The following LAMP3 variants were observed in gnomAD, a reference collection of about 807,000 sequenced individuals.
LAMP3 encodes the protein lysosome associated membrane protein 3, also known as lysosome-associated membrane glycoprotein 3.
Under a neutral mutation model 34.8 loss-of-function variants are expected in LAMP3, and 26 were observed. The ratio of observed to expected loss-of-function variants is 0.75; its 90% CI spans 0.55 to 1.04. LAMP3 has a LOEUF of 1.04. LAMP3 is among the 50% of genes least tolerant of loss of function. LAMP3 has a pLI of 0.00. For synonymous variants in LAMP3, 180 were observed against 201.9 expected (o/e 0.89, Z 0.92); for missense variants, 495 against 524.0 (o/e 0.94, Z 0.54).
chr3:183,151,695 T>C (rs554438165), intron 3 of LAMP3, among the ~76,000 whole-genome samples: 1 of 152,166 alleles, frequency 6.6e-6, no homozygotes, highest in South Asian at 2.1e-4. Context: ...CCCAAAGTGC[T>C]GGGATTACAG....
intron 1 of LAMP3, chr3:183,160,743 C>A (rs1308651530): frequency 6.6e-6 from 1 of 152,224 alleles, no homozygotes; most frequent in Non-Finnish European, 1.5e-5. Flanking sequence ...GGCACAGACT[C>A]TGGTTCAAAG....
At chr3:183,139,473 C>T (rs74285558) in intron 4 of LAMP3, among the ~76,000 whole-genome samples, 5,341 of 152,162 alleles carry the variant, frequency 0.035, 152 homozygotes, top group Admixed American at 0.088. Context: ...CCAAGACCCC[C>T]AGTGTACCAG....
chr3:183,140,556 A>G lies in LAMP3; in HGVS notation c.928T>C (p.Leu310=). 4 of 1,605,198 alleles carry G rather than the reference A, an allele frequency of 2.5e-6. No homozygotes were observed. In the South Asian group the frequency reaches 3.3e-5, roughly 13 times the overall value. ...SYYISEVGAY[L]TVSDPETIYQ... is the part of the protein sequence containing the mutation. ...TACTAACCTGGATCTGAGACGGTCA[A>G]ATAGGCTCCCACTTCACTGATATAA... is the stretch of plus-strand genomic sequence containing the variant. Residue 310 remains leucine (L), a synonymous_variant, in exon 4 of 6, where the codon TTG becomes CTG. Coordinates refer to ENST00000265598, the MANE Select transcript of LAMP3 (RefSeq NM_014398.4).
rs535741096 is a variant in LAMP3 at position 183,122,219 on chromosome 3, A to G, written c.*1862T>C. The G allele has an allele frequency of 1.1e-4, 17 of 152,348 alleles. No individual in the cohort carries two copies. Among genetic ancestry groups the G allele is most frequent in the Admixed American group, 9.8e-4 (15 of 15,300 alleles). 9.4% of individuals were successfully genotyped at this position (152,348 alleles called of 1,614,324 possible). On this transcript the variant is annotated 3_prime_UTR_variant, in exon 6 of 6. Transcript: ENST00000265598. ...AATAAATGACATGCACAAATCTCCA[A>G]AGTAAGTTTTTATTACAAAAACCTT...
intron 4 of LAMP3, among the ~76,000 whole-genome samples, chr3:183,136,729 C>T (rs1292247139): frequency 6.6e-5 from 10 of 151,306 alleles, no homozygotes; most frequent in Admixed American, 6.6e-4. Flanking sequence ...GGGAGAAGCC[C>T]ATCTCTTCCC....
At chr3:183,135,983 C>T (rs1720075444) in intron 4 of LAMP3, 96 bp from the exon 5 acceptor site, 4 of 966,306 alleles carry the variant, frequency 4.1e-6, no homozygotes, top group Non-Finnish European at 6.5e-6. Context: ...AATGGCCTTC[C>T]TTCCTTCCGA....
chr3:183,136,349 C>T (rs1720088386), intron 4 of LAMP3, among the ~76,000 whole-genome samples: 1 of 152,134 alleles, frequency 6.6e-6, no homozygotes, highest in African/African-American at 2.4e-5. Context: ...ATTAGATGAG[C>T]AGGGTCAAGA....
chr3:183,127,140 C>T (rs1270426276), intron 5 of LAMP3, among the ~76,000 whole-genome samples: 2 of 152,028 alleles, frequency 1.3e-5, no homozygotes, highest in African/African-American at 2.4e-5. Context: ...TCAACTCCCC[C>T]AATTTTTTTT....
At chr3:183,140,683 T>C (rs1720256773) in intron 3 of LAMP3, 88 bp from the exon 4 acceptor site, 1 of 868,252 alleles carries the variant, frequency 1.2e-6, no homozygotes, top group Non-Finnish European at 1.9e-6. Context: ...AGATTCCAGC[T>C]ATTAAATCTG....
At chr3:183,150,269 A>G (rs1720589937) in intron 3 of LAMP3, among the ~76,000 whole-genome samples, 1 of 152,160 alleles carries the variant, frequency 6.6e-6, no homozygotes, top group Non-Finnish European at 1.5e-5. Context: ...ACTTGGGTGG[A>G]GTTTGGTCAG....
At position 183,123,715 on chromosome 3, in the gene LAMP3, C is replaced by A; in HGVS notation, c.*366G>T. ...GTTAAGATCAAGGGTAAAATAAAAT[C>A]TTCAATGCACACACAGTAGTATTAG... On this transcript the variant is annotated 3_prime_UTR_variant, in exon 6 of 6. Transcript: ENST00000265598. 5.2e-6 allele frequency: 1 copy of A among 192,676 alleles called. No individual in the cohort carries two copies. The highest frequency in any genetic ancestry group is 9.2e-5 in the South Asian group (1 of 10,872). The allele number at this position is 192,676 out of a possible 1,614,324, so 11.9% of individuals were successfully genotyped here. A position where few individuals can be genotyped will look rare whatever the true frequency, so the allele number is the denominator to read the frequency against.
intron 5 of LAMP3, among the ~76,000 whole-genome samples, chr3:183,131,347 C>T (rs1719913743): frequency 1.3e-5 from 2 of 152,192 alleles, no homozygotes; most frequent in Non-Finnish European, 2.9e-5. Context: ...ACACCTTGTC[C>T]TCTGCCCTAC....
Position 183,152,471 on chromosome 3 carries a change from G to T in LAMP3, c.792C>A (p.Asp264Glu). The change falls in exon 3 of 6, where the codon GAC (aspartate) becomes GAA (glutamate). Residue 264 changes from aspartate (D) to glutamate (E), a missense_variant. Asp to Glu is a conservative substitution (Grantham distance 45, BLOSUM62 2). Transcript: ENST00000265598. ...VFSPRRYFNI[D>E]PNATQASGNC... ...TCCCAGAGGCTTGCGTTGCGTTGGGGTCGATGTTGAAGTATCTCCGAGGTG... is the reference window on the plus strand; with the variant it reads ...TCCCAGAGGCTTGCGTTGCGTTGGGTTCGATGTTGAAGTATCTCCGAGGTG... 1 of 1,612,714 alleles carries T rather than the reference G, an allele frequency of 6.2e-7. No individual in the cohort carries two copies. Among genetic ancestry groups the T allele is most frequent in the Admixed American group, 1.7e-5 (1 of 59,806 alleles).
chr3:183,154,183 AGTT>A lies in LAMP3; in HGVS notation c.255_257del (p.Thr87del), dbSNP rs757456557. On this transcript the variant is annotated inframe_deletion, in exon 2 of 6. Transcript: ENST00000265598. ...CAGTGTTTTTTGTAGTCGCTGGGGT[AGTT>A]GTTGGAATTTTTACTGTGGCCGCTG... 3.1e-6 allele frequency: 5 copies of A among 1,613,988 alleles called. No individual in the cohort carries two copies. Among genetic ancestry groups the A allele is most frequent in the South Asian group, 1.1e-5 (1 of 91,078 alleles).
At chr3:183,134,393 T>C (rs2108597850) in intron 5 of LAMP3, among the ~76,000 whole-genome samples, 1 of 152,276 alleles carries the variant, frequency 6.6e-6, no homozygotes, top group East Asian at 1.9e-4. Flanking sequence ...TGCTGAAACG[T>C]TTTATTTCCT....
intron 1 of LAMP3, 33 bp from the exon 2 acceptor site, chr3:183,154,424 C>CTTT: frequency 2.0e-6 from 3 of 1,501,694 alleles, no homozygotes; most frequent in Non-Finnish European, 2.7e-6. Context: ...GTTAAAAACA[C>CTTT]TAACCGATTG....
upstream of LAMP3, among the ~76,000 whole-genome samples, chr3:183,163,147 G>A (rs928049709): frequency 1.3e-5 from 2 of 151,822 alleles, no homozygotes; most frequent in South Asian, 2.1e-4. Context: ...TAGTAGAGAC[G>A]GGGTGTCACC....
Position 183,123,534 on chromosome 3 carries a change from G to C in LAMP3, c.*547C>G, listed in dbSNP as rs993631000. 1.3e-5 allele frequency: 2 copies of C among 153,720 alleles called. No homozygotes were observed. Among genetic ancestry groups the C allele is most frequent in the Non-Finnish European group, 2.9e-5 (2 of 69,092 alleles). The allele number at this position is 153,720 out of a possible 1,614,324, so 9.5% of individuals were successfully genotyped here. A position where few individuals can be genotyped will look rare whatever the true frequency, so the allele number is the denominator to read the frequency against. ...AGATCGTGCCACTGTACTCCAGCCTGGGTGACAAGAGTGAAACTCCGTCTC... is the reference window on the plus strand; with the variant it reads ...AGATCGTGCCACTGTACTCCAGCCTCGGTGACAAGAGTGAAACTCCGTCTC... On this transcript the variant is annotated 3_prime_UTR_variant, in exon 6 of 6. Coordinates refer to ENST00000265598, the MANE Select transcript of LAMP3 (RefSeq NM_014398.4).
At chr3:183,138,348 G>A (rs1720165266) in intron 4 of LAMP3, among the ~76,000 whole-genome samples, 1 of 152,126 alleles carries the variant, frequency 6.6e-6, no homozygotes, top group Admixed American at 6.6e-5. Flanking sequence ...TCACTACAAT[G>A]TAGCTGATAT....
Sources: gnomAD v4.1 joint callset for allele counts (sites outside exome capture counted in the v4.1 genomes callset) on GRCh38, gnomAD v4.1.1 for gene constraint, MANE v1.5 for transcripts, NCBI Gene and HGNC (gene_info 2026-07-23, HGNC 2026-07-21) for gene names.